PCNX1: variants seen among roughly 807,000 people sequenced by gnomAD.
The protein encoded by PCNX1 is pecanex-like protein 1.
Under a neutral mutation model 242.2 loss-of-function variants are expected in PCNX1, and 78 were observed. That is an observed-to-expected ratio of 0.32 (90% CI 0.27 to 0.39). PCNX1 has a LOEUF of 0.39. Among genes scored for constraint, PCNX1 ranks in the 10% least tolerant of loss-of-function variants. The pLI is 1.00. For missense variants in PCNX1, 2,581 were observed against 2,856.5 expected, an observed-to-expected ratio of 0.90 and a Z score of 2.20; for synonymous variants, 1,024 against 1,032.9, an observed-to-expected ratio of 0.99 and a Z score of 0.17.
intron 30 of PCNX1, among the ~76,000 whole-genome samples, chr14:71,095,629 T>C (rs1383322909): frequency 6.6e-6 from 1 of 152,252 alleles, no homozygotes; most frequent in East Asian, 1.9e-4. Context: ...ATGTGTGTGA[T>C]ATGCTCCTTT....
chr14:71,007,878 C>T lies in PCNX1; in HGVS notation c.2630-1756C>T, dbSNP rs115782795. ...TACATCTATGAAGTAGCCAAGTTGA[C>T]GGCTTGTATCATTTCATTTTAGCTC... On this transcript the variant is annotated intron_variant, in intron 8 of 35. Transcript: ENST00000304743. 9.0e-3 allele frequency among the ~76,000 whole-genome samples: 1,365 copies of T among 151,730 alleles called. 10 individuals carry two copies. The highest frequency in any genetic ancestry group is 0.017 in the South Asian group (82 of 4,800).
intron 6 of PCNX1, among the ~76,000 whole-genome samples, chr14:70,986,587 A>T (rs927058783): frequency 2.0e-5 from 3 of 152,230 alleles, no homozygotes; most frequent in Non-Finnish European, 4.4e-5. Context: ...GAAGGAAGAT[A>T]GTAAAGAAAA....
chr14:70,931,474 GAA>G (rs2056797364), intron 1 of PCNX1, among the ~76,000 whole-genome samples: 1 of 152,142 alleles, frequency 6.6e-6, no homozygotes, highest in Non-Finnish European at 1.5e-5. Context: ...AGAGTGTTAA[GAA>G]AAGTTAGTCC....
intron 26 of PCNX1, among the ~76,000 whole-genome samples, chr14:71,066,233 T>C (rs1373228276): frequency 6.6e-6 from 1 of 152,232 alleles, no homozygotes; most frequent in Non-Finnish European, 1.5e-5. Flanking sequence ...TATTGATTCT[T>C]CCTATCCATG....
At chr14:70,943,334 T>C (rs957975991) in intron 1 of PCNX1, among the ~76,000 whole-genome samples, 8 of 152,168 alleles carry the variant, frequency 5.3e-5, no homozygotes, top group Non-Finnish European at 8.8e-5. Flanking sequence ...AAAATGCTGA[T>C]AGTGATATGG....
In PCNX1 at chr14:71,109,965, T is replaced by C. The variant is rs372530823; in HGVS notation, c.*30T>C. The stretch of plus-strand genomic sequence containing the variant: ...GTGTTTATTATAAAGACATTTCTTT[T>C]TCCCTCTCAATTCCAAGGCATTGGA... On this transcript the variant is annotated 3_prime_UTR_variant, in exon 36 of 36. Transcript: ENST00000304743. 409 of 1,604,830 alleles carry C rather than the reference T, an allele frequency of 2.5e-4. No homozygotes were observed. Among genetic ancestry groups the C allele is most frequent in the Non-Finnish European group, 3.3e-4 (386 of 1,171,864 alleles).
chr14:71,051,806 C>A, intron 23 of PCNX1, 77 bp from the exon 24 acceptor site: 1 of 1,405,214 alleles, frequency 7.1e-7, no homozygotes, highest in Non-Finnish European at 9.8e-7. Context: ...CTAAATGTGT[C>A]TGCTAGGTTT....
intron 9 of PCNX1, 141 bp downstream of exon 9, chr14:71,009,865 A>T (rs1284644083): frequency 2.1e-6 from 1 of 466,174 alleles, no homozygotes; most frequent in Non-Finnish European, 3.8e-6. Context: ...AATCATAAAT[A>T]TTTATGGCAT....
intron 23 of PCNX1, among the ~76,000 whole-genome samples, chr14:71,051,168 C>CA (rs758181078): frequency 0.02 from 848 of 41,756 alleles, 54 homozygotes; most frequent in East Asian, 0.066. Context: ...AACTCTGTCT[C>CA]AAAAAAAAAA....
intron 8 of PCNX1, among the ~76,000 whole-genome samples, chr14:71,006,532 A>C (rs529232306): frequency 8.6e-5 from 13 of 151,994 alleles, no homozygotes; most frequent in Non-Finnish European, 1.5e-4. Flanking sequence ...TCTGCTTTCT[A>C]CTCTGTTTAT....
chr14:71,000,220 A>G (rs1014872485), intron 8 of PCNX1, among the ~76,000 whole-genome samples: 6 of 152,210 alleles, frequency 3.9e-5, no homozygotes, highest in African/African-American at 1.2e-4. Context: ...TAAGGGCTAT[A>G]TTCTACTTCG....
At chr14:71,048,032 C>A in intron 22 of PCNX1, 48 bp downstream of exon 22, 1 of 1,393,686 alleles carries the variant, frequency 7.2e-7, no homozygotes, top group South Asian at 1.3e-5. Flanking sequence ...AACTATCTCC[C>A]TGGGTTATAT....
chr14:71,056,495 AGTTTCCCTTTCATTATTTT>A (rs1315424786), intron 25 of PCNX1, among the ~76,000 whole-genome samples: 1 of 152,104 alleles, frequency 6.6e-6, no homozygotes, highest in Non-Finnish European at 1.5e-5. Flanking sequence ...TAGAATTTGG[AGTTTCCCTTTCATTATTTT>A]ATTCAATTAG....
intron 1 of PCNX1, among the ~76,000 whole-genome samples, chr14:70,926,660 C>T (rs1402705369): frequency 2.6e-5 from 4 of 151,896 alleles, no homozygotes; most frequent in Non-Finnish European, 5.9e-5. Flanking sequence ...CAACGGTGCC[C>T]ACAGCGAGGA....
rs1164067173 is a variant in PCNX1, at chr14:70,962,314, C to G, written c.451C>G (p.Leu151Val). The change falls in exon 3 of 36, where the codon CTA (leucine) becomes GTA (valine). Residue 151 changes from leucine (L) to valine (V), a missense_variant. Physicochemically the swap from Leu to Val is conservative, Grantham distance 32. Transcript: ENST00000304743. ...GCSSRNSYAG[L>V]DPSNQIGSGS... ...CAGTTCCAGAAATTCTTATGCCGGT[C>G]TAGATCCAAGCAACCAGGTAGGAAC... 4 of 1,610,880 alleles carry G rather than the reference C, an allele frequency of 2.5e-6. No homozygotes were observed. In the Admixed American group the frequency reaches 5.0e-5, roughly 20 times the overall value.
At chr14:71,043,020 G>A (rs1215688018) in intron 19 of PCNX1, among the ~76,000 whole-genome samples, 2 of 151,982 alleles carry the variant, frequency 1.3e-5, no homozygotes, top group African/African-American at 4.8e-5. Flanking sequence ...TTGCTTTTTG[G>A]TAAAGATGTT....
At chr14:70,970,062 CAATT>C (rs904107879) in intron 5 of PCNX1, 104 of 151,988 alleles carry the variant, frequency 6.8e-4, no homozygotes, top group Middle Eastern at 3.4e-3. Flanking sequence ...TTTTTTAAAA[CAATT>C]AAAGGTGAAT....
chr14:70,939,783 T>C (rs1224491287), intron 1 of PCNX1, among the ~76,000 whole-genome samples: 2 of 152,214 alleles, frequency 1.3e-5, no homozygotes, highest in Non-Finnish European at 2.9e-5. Flanking sequence ...TGTAGGTCTC[T>C]AAGAGCTTGC....
intron 27 of PCNX1, among the ~76,000 whole-genome samples, chr14:71,075,353 C>T (rs956811546): frequency 6.6e-6 from 1 of 151,998 alleles, no homozygotes; most frequent in Non-Finnish European, 1.5e-5. Flanking sequence ...TTGGGATGAA[C>T]GCTGAGCCTT....
Sources: allele counts gnomAD v4.1 joint callset (sites outside exome capture counted in the v4.1 genomes callset), GRCh38; gene constraint gnomAD v4.1.1; transcripts MANE v1.5; gene names NCBI Gene and HGNC (gene_info 2026-07-23, HGNC 2026-07-21).